SLC4A4: variants seen among roughly 807,000 people sequenced by gnomAD.
SLC4A4 encodes electrogenic sodium bicarbonate cotransporter 1.
A neutral mutation model predicts 111.5 loss-of-function variants in SLC4A4; 27 were observed. The observed-to-expected ratio is 0.24, with a 90% CI of 0.18 to 0.33. The LOEUF (loss-of-function observed/expected upper bound fraction) is 0.33, where lower values mean the gene tolerates loss of function less well. SLC4A4 is among the 10% of genes least tolerant of loss of function. The probability of loss-of-function intolerance (pLI) is 1.00; values close to 1 mark genes in which losing one functional copy is unlikely to be tolerated. For missense variants in SLC4A4, 909 were observed against 1,315.5 expected, an observed-to-expected ratio of 0.69 and a Z score of 4.78; for synonymous variants, 443 against 463.4, an observed-to-expected ratio of 0.96 and a Z score of 0.57.
Position 71,472,970 on chromosome 4 carries a change from G to A in SLC4A4, c.1903G>A (p.Ala635Thr), listed in dbSNP as rs1728021956. 6.2e-7 allele frequency: 1 copy of A among 1,612,770 alleles called. No homozygotes were observed. ...FSCTCVPPDPANISISNDTTL... is the reference protein window; with the variant it reads ...FSCTCVPPDPTNISISNDTTL... ...CTGTACCTGTGTGCCACCTGACCCA[G>A]GTGAGGGCATTACGCTTTGTGTTTA... Residue 635 changes from alanine to threonine, a missense_variant and splice_region_variant, in exon 14 of 26, where the codon GCT becomes ACT. By Grantham distance (58) the Ala-to-Thr change is moderately conservative. Transcript: ENST00000264485.
chr4:71,141,439 C>T (rs1459578398), intron 2 of SLC4A4, among the ~76,000 whole-genome samples: 4 of 152,196 alleles, frequency 2.6e-5, no homozygotes, highest in Non-Finnish European at 4.4e-5. Flanking sequence ...CTGTCTCAAA[C>T]ATTTCAAGAT....
intron 1 of SLC4A4, among the ~76,000 whole-genome samples, chr4:71,227,295 C>CT (rs1196996229): frequency 6.6e-6 from 1 of 152,106 alleles, no homozygotes; most frequent in Non-Finnish European, 1.5e-5. Flanking sequence ...ATGGTAGGAC[C>CT]TGAGCTTACG....
intron 12 of SLC4A4, among the ~76,000 whole-genome samples, chr4:71,458,601 T>G (rs1277939433): frequency 2.0e-5 from 3 of 152,092 alleles, no homozygotes; most frequent in African/African-American, 7.2e-5. Flanking sequence ...TGTCTCATAA[T>G]AAGGAACATT....
intron 1 of SLC4A4, among the ~76,000 whole-genome samples, chr4:71,218,883 A>C (rs927238451): frequency 6.6e-6 from 1 of 152,198 alleles, no homozygotes; most frequent in South Asian, 2.1e-4. Context: ...ATGTAATATT[A>C]CTTCCTTGGG....
chr4:71,115,051 C>T (rs1174185381), intron 2 of SLC4A4, among the ~76,000 whole-genome samples: 1 of 145,446 alleles, frequency 6.9e-6, no homozygotes, highest in Non-Finnish European at 1.5e-5. Context: ...ATGGATGAAA[C>T]TGGAAATCAT....
chr4:71,263,248 G>A (rs1182478533), intron 3 of SLC4A4, among the ~76,000 whole-genome samples: 1 of 151,962 alleles, frequency 6.6e-6, no homozygotes, highest in East Asian at 1.9e-4. Flanking sequence ...GTCTCAGCAA[G>A]GCCACCTTAA....
intron 7 of SLC4A4, among the ~76,000 whole-genome samples, chr4:71,413,302 G>C (rs1470033125): frequency 6.6e-6 from 1 of 152,206 alleles, no homozygotes; most frequent in Non-Finnish European, 1.5e-5. Flanking sequence ...GCCCTGGAAA[G>C]ACCTAGTTTA....
In SLC4A4 at chr4:71,357,136, A is replaced by G; in HGVS notation, c.679A>G (p.Ile227Val). ...ATCCAACCTTCGGTCCCTGGCTGAC[A>G]TTGGGAAGACAGTCTCCAGTGCAAG... ...KKSNLRSLADIGKTVSSASRM... is the reference protein window; with the variant it reads ...KKSNLRSLADVGKTVSSASRM... The change falls in exon 6 of 26, where the codon ATT becomes GTT. Residue 227 changes from isoleucine (I) to valine (V), a missense_variant. This residue lies in a region of SLC4A4 where 312 missense variants were observed against 402.0 expected (regional missense o/e 0.78). Coordinates refer to ENST00000264485, the MANE Select transcript of SLC4A4 (RefSeq NM_001098484.3). 1 of 1,614,194 alleles carries G rather than the reference A, an allele frequency of 6.2e-7. No homozygotes were observed. The highest frequency in any genetic ancestry group is 8.5e-7 in the Non-Finnish European group (1 of 1,180,038).
chr4:71,279,960 T>A (rs1723380449), intron 3 of SLC4A4, among the ~76,000 whole-genome samples: 1 of 152,158 alleles, frequency 6.6e-6, no homozygotes, highest in Non-Finnish European at 1.5e-5. Flanking sequence ...CATGCCCGGC[T>A]AATTTTTGTA....
At chr4:71,279,662 A>G (rs1009107165) in intron 3 of SLC4A4, among the ~76,000 whole-genome samples, 2 of 152,230 alleles carry the variant, frequency 1.3e-5, no homozygotes, top group African/African-American at 2.4e-5. Context: ...TCTTGATCAC[A>G]TGGTAGTTCT....
chr4:71,507,329 T>C (rs1465001987), intron 16 of SLC4A4, among the ~76,000 whole-genome samples: 1 of 152,208 alleles, frequency 6.6e-6, no homozygotes, highest in African/African-American at 2.4e-5. Context: ...GACTCATTTG[T>C]ATTCTGTCTT....
In SLC4A4 at chr4:71,414,616, G is replaced by A. The variant is rs551554249; in HGVS notation, c.807+16963G>A. Among the ~76,000 whole-genome samples, 6 of 152,260 alleles carry A rather than the reference G, an allele frequency of 3.9e-5. No homozygotes were observed. In the South Asian group the frequency reaches 1.0e-3, roughly 26 times the overall value. On this transcript the variant is annotated intron_variant, in intron 7 of 25. Transcript: ENST00000264485. ...TTTTTTATTAGTTACCCCAACTGGG[G>A]TATGTGCAGAAGAGAATGCATGTAA...
At chr4:71,274,928 T>C (rs937906904) in intron 3 of SLC4A4, among the ~76,000 whole-genome samples, 1 of 152,094 alleles carries the variant, frequency 6.6e-6, no homozygotes, top group Non-Finnish European at 1.5e-5. Flanking sequence ...AGAGAGGAAA[T>C]AAATGCAAAA....
intron 15 of SLC4A4, among the ~76,000 whole-genome samples, chr4:71,490,816 G>C (rs1729832034): frequency 2.0e-5 from 3 of 151,706 alleles, no homozygotes; most frequent in Admixed American, 2.0e-4. Flanking sequence ...TGTCACCCCA[G>C]TCTGCATGTA....
At chr4:71,302,208 G>C (rs1383693156) in intron 3 of SLC4A4, among the ~76,000 whole-genome samples, 2 of 152,076 alleles carry the variant, frequency 1.3e-5, no homozygotes, top group Non-Finnish European at 2.9e-5. Context: ...AAACAATCAG[G>C]CTATTAATAA....
intron 2 of SLC4A4, among the ~76,000 whole-genome samples, chr4:71,152,124 A>G (rs1178561412): frequency 1.3e-5 from 2 of 152,154 alleles, no homozygotes; most frequent in Non-Finnish European, 2.9e-5. Flanking sequence ...TATAAAGTAT[A>G]CTTACATTCT....
chr4:71,210,562 G>T (rs1718072826), intron 1 of SLC4A4, among the ~76,000 whole-genome samples: 1 of 152,122 alleles, frequency 6.6e-6, no homozygotes, highest in Non-Finnish European at 1.5e-5. Context: ...CATGTTATTT[G>T]TGATTTCTCT....
chr4:71,511,478 A>T (rs983991250), intron 16 of SLC4A4, among the ~76,000 whole-genome samples: 10 of 152,032 alleles, frequency 6.6e-5, no homozygotes, highest in African/African-American at 2.4e-4. Context: ...ATTTATTAGA[A>T]TGTAAATAAA....
At chr4:71,354,100 A>G (rs1380413942) in intron 5 of SLC4A4, among the ~76,000 whole-genome samples, 1 of 152,214 alleles carries the variant, frequency 6.6e-6, no homozygotes, top group Non-Finnish European at 1.5e-5. Context: ...TAGCTTTATT[A>G]TTAGTATCCT....
Sources: allele counts gnomAD v4.1 joint callset (sites outside exome capture counted in the v4.1 genomes callset), GRCh38; gene constraint gnomAD v4.1.1; regional missense constraint gnomAD v4.1.1; transcripts MANE v1.5; gene names NCBI Gene and HGNC (gene_info 2026-07-23, HGNC 2026-07-21).